The following PPP1R16B variants were observed in gnomAD, a reference collection of about 807,000 sequenced individuals.
The protein encoded by PPP1R16B is protein phosphatase 1 regulatory inhibitor subunit 16B.
Under a neutral mutation model 61.7 loss-of-function variants are expected in PPP1R16B, and 14 were observed. That is an observed-to-expected ratio of 0.23 (90% CI 0.15 to 0.35). The LOEUF is 0.35. Among genes scored for constraint, PPP1R16B ranks in the 10% least tolerant of loss-of-function variants. PPP1R16B has a pLI of 1.00. For synonymous variants in PPP1R16B, 266 were observed against 305.3 expected (o/e 0.87, Z 1.34); for missense variants, 547 against 752.5 (o/e 0.73, Z 3.19).
intron 2 of PPP1R16B, among the ~76,000 whole-genome samples, chr20:38,879,382 C>T (rs1289049652): frequency 6.6e-6 from 1 of 152,042 alleles, no homozygotes; most frequent in Non-Finnish European, 1.5e-5. Flanking sequence ...AGTTCTCCCT[C>T]CCTTTGAGGA....
intron 2 of PPP1R16B, among the ~76,000 whole-genome samples, chr20:38,855,789 A>G (rs2084999859): frequency 6.6e-6 from 1 of 151,354 alleles, no homozygotes; most frequent in Non-Finnish European, 1.5e-5. Context: ...CAAGGTGTGT[A>G]CCATGTAAGC....
At chr20:38,897,906 G>A (rs2085362086) in intron 4 of PPP1R16B, among the ~76,000 whole-genome samples, 1 of 152,184 alleles carries the variant, frequency 6.6e-6, no homozygotes, top group Non-Finnish European at 1.5e-5. Flanking sequence ...CTTCTTTGGA[G>A]AAATGTCTAT....
chr20:38,836,302 G>A, intron 2 of PPP1R16B, 127 bp downstream of exon 2: 1 of 1,351,390 alleles, frequency 7.4e-7, no homozygotes, highest in African/African-American at 1.5e-5. Flanking sequence ...AGTTCCAGCA[G>A]CCCCATTCCT....
chr20:38,835,306 T>C (rs2084862268), intron 1 of PPP1R16B, among the ~76,000 whole-genome samples: 1 of 152,208 alleles, frequency 6.6e-6, no homozygotes, highest in African/African-American at 2.4e-5. Flanking sequence ...CTCCAGATTT[T>C]TGGGGGCCTG....
In PPP1R16B at chr20:38,861,213, C is replaced by A. The variant is rs191740202; in HGVS notation, c.250+25038C>A. On this transcript the variant is annotated intron_variant, in intron 2 of 10. Coordinates refer to ENST00000299824, the MANE Select transcript of PPP1R16B (RefSeq NM_015568.4). The stretch of plus-strand genomic sequence containing the variant: ...TCAACCTCTCTGAGTCTCATCTGTC[C>A]CCTCTGTAAAACGGAAATAACCAGA... Among the ~76,000 whole-genome samples, 850 of 152,316 alleles carry A rather than the reference C, an allele frequency of 5.6e-3. 5 individuals are homozygous for A. The highest frequency in any genetic ancestry group is 9.1e-3 in the Non-Finnish European group (616 of 68,030).
chr20:38,844,259 G>A (rs4381836), intron 2 of PPP1R16B, among the ~76,000 whole-genome samples: 105,041 of 152,124 alleles, frequency 0.69, 36,637 homozygotes, highest in African/African-American at 0.78. Flanking sequence ...CAATTATTCA[G>A]GTACTGGGAA....
rs62201391 is a variant in PPP1R16B at position 38,920,781 on chromosome 20, G to A, written c.*2115G>A. ...AGACAGGTGCACAGATGCTTCCCACGACCTTGCCATTTGGGGTGGGCTCTT... is the reference window on the plus strand; with the variant it reads ...AGACAGGTGCACAGATGCTTCCCACAACCTTGCCATTTGGGGTGGGCTCTT... On this transcript the variant is annotated 3_prime_UTR_variant, in exon 11 of 11. Coordinates refer to ENST00000299824, the MANE Select transcript of PPP1R16B (RefSeq NM_015568.4). 759 of 152,650 alleles carry A rather than the reference G, an allele frequency of 5.0e-3. 5 individuals carry two copies. Among genetic ancestry groups the A allele is most frequent in the African/African-American group, 0.017 (704 of 41,570 alleles). 9.5% of individuals were successfully genotyped at this position (152,650 alleles called of 1,614,324 possible).
At chr20:38,846,833 A>G (rs973366707) in intron 2 of PPP1R16B, among the ~76,000 whole-genome samples, 2 of 152,062 alleles carry the variant, frequency 1.3e-5, no homozygotes, top group African/African-American at 4.8e-5. Context: ...GTGAGACCCC[A>G]TATCTACACG....
At chr20:38,881,620 G>A (rs899716901) in intron 2 of PPP1R16B, among the ~76,000 whole-genome samples, 3 of 152,182 alleles carry the variant, frequency 2.0e-5, no homozygotes, top group Non-Finnish European at 2.9e-5. Flanking sequence ...CAGAGGTGGC[G>A]CTGGACCTCA....
intron 6 of PPP1R16B, 32 bp downstream of exon 6, chr20:38,902,824 C>A (rs1283019977): frequency 6.2e-7 from 1 of 1,613,490 alleles, no homozygotes; most frequent in South Asian, 1.1e-5. Flanking sequence ...AAAACCAAGA[C>A]CAGCTAGGTC....
intron 2 of PPP1R16B, among the ~76,000 whole-genome samples, chr20:38,871,489 A>G (rs1393711065): frequency 6.6e-6 from 1 of 151,748 alleles, no homozygotes; most frequent in Non-Finnish European, 1.5e-5. Context: ...CAGATGTTCA[A>G]TCAATGTCTG....
intron 2 of PPP1R16B, among the ~76,000 whole-genome samples, chr20:38,868,242 C>T (rs1193187430): frequency 6.6e-6 from 1 of 152,224 alleles, no homozygotes; most frequent in Non-Finnish European, 1.5e-5. Flanking sequence ...CACACCACTC[C>T]TGCGTTTCAC....
chr20:38,838,495 C>G (rs1057100407), intron 2 of PPP1R16B: 1 of 152,316 alleles, frequency 6.6e-6, no homozygotes, highest in African/African-American at 2.4e-5. Flanking sequence ...GGGAGCTGCT[C>G]CGCTGAAAGC....
rs1013899924 is a variant in PPP1R16B at position 38,908,190 on chromosome 20, C to A, written c.1191C>A (p.Asp397Glu). The A allele has an allele frequency of 7.4e-6, 12 of 1,614,102 alleles. No individual in the cohort carries two copies. The highest frequency in any genetic ancestry group is 2.7e-5 in the African/African-American group (2 of 74,954). ...CCAGGACAGACCAAGAGAATAAGGACCCTGTGAGTGGCCTCACGCCCTGCC... is the reference window on the plus strand; with the variant it reads ...CCAGGACAGACCAAGAGAATAAGGAACCTGTGAGTGGCCTCACGCCCTGCC... ...RETRTDQENK[D>E]PNPRLEKPVL... Residue 397 changes from aspartate (D) to glutamate (E), a missense_variant, in exon 10 of 11, where the codon GAC (aspartate) becomes GAA (glutamate). Asp to Glu is a conservative substitution (Grantham distance 45). Transcript: ENST00000299824.
intron 6 of PPP1R16B, among the ~76,000 whole-genome samples, chr20:38,903,848 C>G (rs1325181227): frequency 6.6e-6 from 1 of 152,250 alleles, no homozygotes; most frequent in Non-Finnish European, 1.5e-5. Flanking sequence ...TTGGGGAGGT[C>G]TGCTTCTGCA....
chr20:38,809,753 G>T (rs927732765), intron 1 of PPP1R16B, among the ~76,000 whole-genome samples: 2 of 152,060 alleles, frequency 1.3e-5, no homozygotes, highest in Admixed American at 1.3e-4. Context: ...GCAGAGGTGG[G>T]CAGACTGATT....
intron 10 of PPP1R16B, among the ~76,000 whole-genome samples, chr20:38,910,788 G>C (rs529447948): frequency 6.6e-5 from 10 of 152,236 alleles, no homozygotes; most frequent in African/African-American, 2.4e-4. Context: ...ACAAGGTCAA[G>C]AGATCGAGAC....
At position 38,836,046 on chromosome 20, in the gene PPP1R16B, G is replaced by T; in HGVS notation, c.121G>T (p.Glu41Ter). 1 of 1,608,928 alleles carries T rather than the reference G, an allele frequency of 6.2e-7. No homozygotes were observed. The highest frequency in any genetic ancestry group is 1.1e-5 in the South Asian group (1 of 90,412). The change falls in exon 2 of 11, where the codon GAG (glutamate) becomes TAG (stop). Residue 41 changes from glutamate to a stop codon, truncating the protein, a stop_gained. Transcript: ENST00000299824. LOFTEE classifies it high-confidence loss of function. ...AQQLKKWAQYEQDLQHRKRKH... is the reference protein window; with the variant it reads ...AQQLKKWAQY ...GCAGCTGAAGAAATGGGCACAGTAC[G>T]AGCAGGACTTGCAGCACCGCAAGCG...
chr20:38,900,746 A>T, intron 5 of PPP1R16B, 62 bp downstream of exon 5: 2 of 1,312,894 alleles, frequency 1.5e-6, no homozygotes, highest in Non-Finnish European at 2.1e-6. Context: ...GCGTCCCTTA[A>T]ATCAATGCAG....
Sources: allele counts gnomAD v4.1 joint callset (sites outside exome capture counted in the v4.1 genomes callset), GRCh38; gene constraint gnomAD v4.1.1; transcripts MANE v1.5; gene names NCBI Gene and HGNC (gene_info 2026-07-23, HGNC 2026-07-21).